The following AIM2 variants were observed in gnomAD, a reference collection of about 807,000 sequenced individuals.
AIM2 encodes interferon-inducible protein AIM2.
Under a neutral mutation model 27.7 loss-of-function variants are expected in AIM2, and 30 were observed. The ratio of observed to expected loss-of-function variants is 1.08; its 90% CI spans 0.81 to 1.47. The LOEUF (loss-of-function observed/expected upper bound fraction) is 1.47, where lower values mean the gene tolerates loss of function less well. Among genes scored for constraint, AIM2 ranks in the 40% most tolerant of loss-of-function variants. The pLI, the probability that AIM2 is intolerant of heterozygous loss-of-function variation, is 0.00. For synonymous variants in AIM2, 141 were observed against 145.3 expected (o/e 0.97, Z 0.21); for missense variants, 358 against 411.3 (o/e 0.87, Z 1.12).
intron 1 of AIM2, among the ~76,000 whole-genome samples, chr1:159,119,187 G>A (rs752546452): frequency 6.6e-6 from 1 of 151,964 alleles, no homozygotes; most frequent in African/African-American, 2.4e-5. Context: ...GGAGAGACAC[G>A]CAGTGAAAGT....
chr1:159,114,884 C>T (rs887864427), intron 1 of AIM2, among the ~76,000 whole-genome samples: 4 of 152,004 alleles, frequency 2.6e-5, no homozygotes, highest in African/African-American at 4.8e-5. Context: ...GAAAAGAGGA[C>T]GTCAAATTGT....
In AIM2 at chr1:159,066,021, C is replaced by T; in HGVS notation, c.705G>A (p.Lys235=). The change falls in exon 4 of 6, where the codon AAG becomes AAA. Residue 235 remains lysine, a synonymous_variant. Transcript: ENST00000368130. ...TGATAATGTTCAGCGGGACATTAAC[C>T]TTTTGGTCAGATTCAGCATCTAACA... is the stretch of plus-strand genomic sequence containing the variant. ...SRVLDAESDQ[K]VNVPLNIIRK... 6.2e-7 allele frequency: 1 copy of T among 1,614,124 alleles called. No individual in the cohort carries two copies. Among genetic ancestry groups the T allele is most frequent in the African/African-American group, 1.3e-5 (1 of 75,044 alleles).
chr1:159,122,205 G>A (rs976492192), intron 1 of AIM2: 16 of 152,044 alleles, frequency 1.1e-4, no homozygotes, highest in Non-Finnish European at 1.9e-4. Flanking sequence ...AAATCCCAAT[G>A]GTTTAACACT....
chr1:159,128,260 TACACACACAC>T (rs35254795), intron 1 of AIM2, among the ~76,000 whole-genome samples: 62 of 147,854 alleles, frequency 4.2e-4, no homozygotes, highest in Non-Finnish European at 5.1e-4. Context: ...TGCCAAGGCT[TACACACACAC>T]ACACACACAC....
downstream of AIM2, among the ~76,000 whole-genome samples, chr1:159,061,141 T>C (rs1258502405): frequency 2.0e-5 from 3 of 152,216 alleles, no homozygotes; most frequent in Non-Finnish European, 4.4e-5. Context: ...GCACAAGAGT[T>C]TCAGTTTTTC....
intron 3 of AIM2, among the ~76,000 whole-genome samples, chr1:159,068,085 T>G (rs1034256703): frequency 6.6e-6 from 1 of 152,138 alleles, no homozygotes. Flanking sequence ...GGATCTCTGA[T>G]GTGACCCAGA....
At chr1:159,119,825 ACT>A (rs756699703) in intron 1 of AIM2, among the ~76,000 whole-genome samples, 2 of 150,894 alleles carry the variant, frequency 1.3e-5, no homozygotes, top group African/African-American at 4.9e-5. Context: ...TGTGTGTGCC[ACT>A]CTCTGTCTCT....
chr1:159,089,043 C>T lies in AIM2; in HGVS notation c.-15-22714G>A, dbSNP rs577686942. 2.2e-3 allele frequency among the ~76,000 whole-genome samples: 337 copies of T among 152,344 alleles called. 1 individual carries two copies. Among genetic ancestry groups the T allele is most frequent in the African/African-American group, 7.7e-3 (321 of 41,582 alleles). On this transcript the variant is annotated intron_variant, in intron 1 of 2. Coordinates refer to the AIM2 transcript ENST00000368129. Reference sequence around the variant, plus strand: ...TCATCACCAAACCCATTACATCTTACTTCCCTCCTTCATACTTTATTCAAA... The same window carrying T: ...TCATCACCAAACCCATTACATCTTATTTCCCTCCTTCATACTTTATTCAAA...
intron 1 of AIM2, among the ~76,000 whole-genome samples, chr1:159,088,338 A>T (rs1317136902): frequency 6.6e-6 from 1 of 152,182 alleles, no homozygotes. Context: ...GAGAGGAAGG[A>T]ATGCCAGGAT....
intron 2 of AIM2, among the ~76,000 whole-genome samples, chr1:159,071,290 T>A (rs1178269251): frequency 6.6e-6 from 1 of 152,170 alleles, no homozygotes; most frequent in Non-Finnish European, 1.5e-5. Context: ...CATGCAGACA[T>A]GCAATGGCAA....
At chr1:159,121,348 G>A (rs1354526285) in intron 1 of AIM2, among the ~76,000 whole-genome samples, 2 of 149,466 alleles carry the variant, frequency 1.3e-5, no homozygotes, top group Non-Finnish European at 2.9e-5. Context: ...ATAACACACT[G>A]TGACAATTGT....
chr1:159,127,059 C>CTA (rs1451399510), intron 1 of AIM2, among the ~76,000 whole-genome samples: 1 of 152,092 alleles, frequency 6.6e-6, no homozygotes, highest in African/African-American at 2.4e-5. Context: ...TTGGGGATAG[C>CTA]TATATGTGAA....
upstream of AIM2, among the ~76,000 whole-genome samples, chr1:159,142,846 A>G (rs1648138920): frequency 2.0e-5 from 3 of 152,164 alleles, no homozygotes; most frequent in African/African-American, 7.2e-5. Context: ...TTTGGTTCCC[A>G]GACACATGGG....
At chr1:159,062,102 T>A (rs1045944489), downstream of AIM2, among the ~76,000 whole-genome samples, 2 of 152,230 alleles carry the variant, frequency 1.3e-5, no homozygotes, top group Non-Finnish European at 2.9e-5. Flanking sequence ...GTTGTACTTT[T>A]GTAGAAATCA....
intron 5 of AIM2, 107 bp downstream of exon 5, chr1:159,063,379 A>G: frequency 3.8e-6 from 4 of 1,058,404 alleles, no homozygotes; most frequent in Admixed American, 2.5e-5. Flanking sequence ...CTAAATATCA[A>G]TGTCTTCCAC....
intron 1 of AIM2, among the ~76,000 whole-genome samples, chr1:159,108,356 T>G (rs145843178): frequency 6.6e-6 from 1 of 152,258 alleles, no homozygotes; most frequent in Non-Finnish European, 1.5e-5. Flanking sequence ...CCTTTATAAT[T>G]AAAACTTAGC....
intron 1 of AIM2, among the ~76,000 whole-genome samples, chr1:159,146,364 G>T (rs927773095): frequency 6.6e-6 from 1 of 151,998 alleles, no homozygotes; most frequent in African/African-American, 2.4e-5. Flanking sequence ...CTATCCTGCT[G>T]TTTCTAACCC....
At chr1:159,098,701 C>T (rs73023736) in intron 1 of AIM2, among the ~76,000 whole-genome samples, 3,811 of 152,218 alleles carry the variant, frequency 0.025, 96 homozygotes, top group African/African-American at 0.061. Context: ...AGAAAAATTC[C>T]TAGAGTTAGT....
chr1:159,103,015 T>C (rs1204106864), intron 1 of AIM2, among the ~76,000 whole-genome samples: 1 of 152,194 alleles, frequency 6.6e-6, no homozygotes, highest in African/African-American at 2.4e-5. Flanking sequence ...ATAGTTTGCC[T>C]CTGGGTCCCC....
Sources: allele counts gnomAD v4.1 joint callset (sites outside exome capture counted in the v4.1 genomes callset), GRCh38; gene constraint gnomAD v4.1.1; transcripts MANE v1.5; gene names NCBI Gene and HGNC (gene_info 2026-07-23, HGNC 2026-07-21).